Variants in CACNA1C observed in about 807,000 individuals in gnomAD.
CACNA1C encodes the protein voltage-dependent L-type calcium channel subunit alpha-1C.
A neutral mutation model predicts 229.0 loss-of-function variants in CACNA1C; 30 were observed. The observed-to-expected ratio is 0.13, with a 90% CI of 0.10 to 0.18. The LOEUF (loss-of-function observed/expected upper bound fraction) is 0.18. CACNA1C is among the 10% of genes least tolerant of loss of function. The probability of loss-of-function intolerance (pLI) is 1.00; values close to 1 mark genes in which losing one functional copy is unlikely to be tolerated. For missense variants in CACNA1C, 1,658 were observed against 2,845.0 expected, an observed-to-expected ratio of 0.58 and a Z score of 9.49; for synonymous variants, 1,114 against 1,132.5, an observed-to-expected ratio of 0.98 and a Z score of 0.33.
At chr12:2,017,257 G>A (rs960876475) in intron 1 of CACNA1C, among the ~76,000 whole-genome samples, 3 of 152,106 alleles carry the variant, frequency 2.0e-5, no homozygotes, top group Non-Finnish European at 4.4e-5. Flanking sequence ...CTGGCACACG[G>A]GTGGAAAAAG....
intron 3 of CACNA1C, among the ~76,000 whole-genome samples, chr12:2,447,773 T>C (rs2099313245): frequency 6.6e-6 from 1 of 152,138 alleles, no homozygotes; most frequent in Non-Finnish European, 1.5e-5. Context: ...TCCTCCAGAA[T>C]GTGGGTGAGC....
intron 3 of CACNA1C, among the ~76,000 whole-genome samples, chr12:2,243,974 A>G (rs1438462448): frequency 3.9e-5 from 6 of 152,206 alleles, no homozygotes; most frequent in Non-Finnish European, 8.8e-5. Context: ...ACTTCAGGCC[A>G]ACTATGTACA....
At chr12:2,418,272 A>T (rs2098936705) in intron 3 of CACNA1C, among the ~76,000 whole-genome samples, 1 of 151,962 alleles carries the variant, frequency 6.6e-6, no homozygotes, top group African/African-American at 2.4e-5. Flanking sequence ...TTGCCTTTGG[A>T]TGGGGTCTTC....
At chr12:2,066,157 A>T (rs1423670340) in intron 1 of CACNA1C, among the ~76,000 whole-genome samples, 5 of 152,098 alleles carry the variant, frequency 3.3e-5, no homozygotes, top group Non-Finnish European at 7.4e-5. Flanking sequence ...TTCCCAGCAG[A>T]AAGCCAGAGA....
chr12:2,376,037 G>A (rs1450271122), intron 3 of CACNA1C, among the ~76,000 whole-genome samples: 4 of 152,234 alleles, frequency 2.6e-5, no homozygotes, highest in Non-Finnish European at 4.4e-5. Context: ...AGGGCCCCAG[G>A]CAGTTTGGCT....
In CACNA1C at chr12:2,605,550, G is replaced by A. The variant is rs193110365; in HGVS notation, c.3049-129G>A. 8.5e-6 allele frequency: 6 copies of A among 706,628 alleles called. No homozygotes were observed. Among genetic ancestry groups the A allele is most frequent in the African/African-American group, 1.8e-5 (1 of 56,314 alleles). The allele number at this position is 706,628 out of a possible 1,614,324, so 43.8% of individuals were successfully genotyped here. ...TCCATCACTTCCCATGTGACTTTGG[G>A]AGCGTGGCTTTGCCCCTCTCAGCCC... On this transcript the variant is annotated intron_variant, in intron 23 of 46. Transcript: ENST00000399655. The surrounding 1 kb of genome is among the most constrained non-coding windows in gnomAD (Gnocchi z 6.2).
intron 1 of CACNA1C, among the ~76,000 whole-genome samples, chr12:1,979,367 TG>T (rs2035437139): frequency 6.6e-6 from 1 of 152,036 alleles, no homozygotes; most frequent in Non-Finnish European, 1.5e-5. Context: ...CAGGCTGGAG[TG>T]CAGTGGTGCC....
At chr12:2,634,670 C>G (rs766605844) in intron 30 of CACNA1C, among the ~76,000 whole-genome samples, 1 of 151,828 alleles carries the variant, frequency 6.6e-6, no homozygotes, top group Non-Finnish European at 1.5e-5. Context: ...CACACTGTAT[C>G]GGAGGAAGCA....
At chr12:2,457,832 G>A in intron 5 of CACNA1C, 126 bp downstream of exon 5, 1 of 881,422 alleles carries the variant, frequency 1.1e-6, no homozygotes, top group Non-Finnish European at 1.6e-6. Context: ...TTTTGTTTTT[G>A]TTTTAAAATG....
intron 4 of CACNA1C, among the ~76,000 whole-genome samples, chr12:2,453,062 G>T (rs567063966): frequency 2.6e-5 from 4 of 152,218 alleles, no homozygotes; most frequent in Non-Finnish European, 4.4e-5. Flanking sequence ...GCCTGGACAG[G>T]GTTCTCAAAC....
intron 9 of CACNA1C, among the ~76,000 whole-genome samples, chr12:2,528,596 T>C (rs897700740): frequency 2.6e-5 from 4 of 152,224 alleles, no homozygotes; most frequent in Non-Finnish European, 5.9e-5. Flanking sequence ...CTACCCATCA[T>C]GCCATGTGCC....
At chr12:2,529,383 C>A (rs868105448) in intron 9 of CACNA1C, among the ~76,000 whole-genome samples, 33 of 152,336 alleles carry the variant, frequency 2.2e-4, no homozygotes, top group African/African-American at 7.7e-4. Flanking sequence ...TTATCTGTGG[C>A]ATTCATCTAT....
intron 8 of CACNA1C, among the ~76,000 whole-genome samples, chr12:2,511,705 G>T (rs563875804): frequency 6.6e-6 from 1 of 152,126 alleles, no homozygotes; most frequent in African/African-American, 2.4e-5. Context: ...TTGCTTTGAG[G>T]GTTGAGAATT....
chr12:2,618,851 GT>G, intron 29 of CACNA1C, among the ~76,000 whole-genome samples: 1 of 152,330 alleles, frequency 6.6e-6, no homozygotes, highest in Non-Finnish European at 1.5e-5. Context: ...AACTTGGTTT[GT>G]TTTTCAGTCA....
At chr12:1,980,719 T>C (rs918073245) in intron 1 of CACNA1C, among the ~76,000 whole-genome samples, 1 of 129,678 alleles carries the variant, frequency 7.7e-6, no homozygotes, top group African/African-American at 2.8e-5. Flanking sequence ...TCGTTGCTTC[T>C]ATAAAAATGA....
intron 1 of CACNA1C, among the ~76,000 whole-genome samples, chr12:2,099,826 G>A (rs1393113562): frequency 6.6e-6 from 1 of 152,112 alleles, no homozygotes; most frequent in Non-Finnish European, 1.5e-5. Context: ...CAGCACCACA[G>A]GGAAACACAG....
intron 1 of CACNA1C, among the ~76,000 whole-genome samples, chr12:2,107,736 G>A (rs964234568): frequency 6.6e-6 from 1 of 152,178 alleles, no homozygotes; most frequent in Non-Finnish European, 1.5e-5. Context: ...TTTGCATAGG[G>A]TGGTTAATTC....
chr12:2,451,410 A>C (rs1400739746), intron 4 of CACNA1C, among the ~76,000 whole-genome samples: 2 of 152,176 alleles, frequency 1.3e-5, no homozygotes, highest in African/African-American at 4.8e-5. Flanking sequence ...GGACCAGTGG[A>C]GGGATGAGGG....
chr12:2,606,819 A>AT (rs2075597877), intron 25 of CACNA1C, among the ~76,000 whole-genome samples, 156 bp downstream of exon 25: 1 of 152,172 alleles, frequency 6.6e-6, no homozygotes, highest in African/African-American at 2.4e-5. Flanking sequence ...AATGTGTAGC[A>AT]TTTTTTGTTC....
Sources: gnomAD v4.1 joint callset for allele counts (sites outside exome capture counted in the v4.1 genomes callset) on GRCh38, gnomAD v4.1.1 for gene constraint, Gnocchi (gnomAD v3.1) non-coding constraint, MANE v1.5 for transcripts, NCBI Gene and HGNC (gene_info 2026-07-23, HGNC 2026-07-21) for gene names.